Variants in ANKRD33B observed in about 807,000 individuals in gnomAD.
ANKRD33B encodes the protein ankyrin repeat domain 33B.
In ANKRD33B, 6 loss-of-function variants were observed where a neutral mutation model predicts 21.5. That is an observed-to-expected ratio of 0.28 (90% CI 0.15 to 0.55). ANKRD33B has a LOEUF of 0.55. Among genes scored for constraint, ANKRD33B ranks in the 20% least tolerant of loss-of-function variants. The pLI, the probability that ANKRD33B is intolerant of heterozygous loss-of-function variation, is 0.94. For missense variants in ANKRD33B, 698 were observed against 747.2 expected, an observed-to-expected ratio of 0.93 and a Z score of 0.77; for synonymous variants, 347 against 342.4, an observed-to-expected ratio of 1.01 and a Z score of -0.15.
intron 1 of ANKRD33B, among the ~76,000 whole-genome samples, chr5:10,604,340 C>T (rs1364561642): frequency 3.3e-5 from 5 of 150,406 alleles, no homozygotes; most frequent in Non-Finnish European, 7.4e-5. Context: ...CACAGATATG[C>T]GCCACCGCAC....
chr5:10,632,551 G>A (rs1372964573), intron 2 of ANKRD33B, among the ~76,000 whole-genome samples: 1 of 152,094 alleles, frequency 6.6e-6, no homozygotes, highest in Non-Finnish European at 1.5e-5. Context: ...TCATTTAGGA[G>A]CTCTCTGAAT....
chr5:10,646,545 C>G (rs1737192930), intron 3 of ANKRD33B, among the ~76,000 whole-genome samples: 1 of 152,162 alleles, frequency 6.6e-6, no homozygotes, highest in Non-Finnish European at 1.5e-5. Context: ...GAGTGCAAAA[C>G]TTTGGACAGA....
chr5:10,629,206 A>C (rs533276319), intron 2 of ANKRD33B, among the ~76,000 whole-genome samples: 1 of 152,168 alleles, frequency 6.6e-6, no homozygotes, highest in Non-Finnish European at 1.5e-5. Flanking sequence ...GGGACAAAGG[A>C]GGCTAGTCAG....
chr5:10,564,382 G>C lies in ANKRD33B; in HGVS notation c.-86G>C. 1 of 917,160 alleles carries C rather than the reference G, an allele frequency of 1.1e-6. No individual in the cohort carries two copies. Among genetic ancestry groups the C allele is most frequent in the African/African-American group, 1.8e-5 (1 of 55,968 alleles). The allele number at this position is 917,160 out of a possible 1,614,324, so 56.8% of individuals were successfully genotyped here. A position where few individuals can be genotyped will look rare whatever the true frequency, so the allele number is the denominator to read the frequency against. On this transcript the variant is annotated 5_prime_UTR_variant, in exon 1 of 4. Coordinates refer to ENST00000296657, the MANE Select transcript of ANKRD33B (RefSeq NM_001164440.2). The stretch of plus-strand genomic sequence containing the variant: ...CCACGGCTTCTCTGGGGACGCAGAA[G>C]CGAGAAGCGGGGACCTCGGCGCGCG...
At chr5:10,585,531 GA>G (rs1223092841) in intron 1 of ANKRD33B, among the ~76,000 whole-genome samples, 1 of 152,036 alleles carries the variant, frequency 6.6e-6, no homozygotes, top group African/African-American at 2.4e-5. Flanking sequence ...TTGTTCTAGG[GA>G]AAAGAAACGC....
intron 1 of ANKRD33B, among the ~76,000 whole-genome samples, chr5:10,603,274 T>G (rs1735971241): frequency 6.6e-6 from 1 of 152,064 alleles, no homozygotes; most frequent in South Asian, 2.1e-4. Flanking sequence ...AAAAATTTTT[T>G]TTTTTTGAGA....
chr5:10,610,221 T>A (rs1736134764), intron 1 of ANKRD33B, among the ~76,000 whole-genome samples: 2 of 152,230 alleles, frequency 1.3e-5, no homozygotes, highest in South Asian at 4.1e-4. Context: ...GGAGAGGACT[T>A]TGGCTCATGT....
rs746283372 is a variant in ANKRD33B at position 10,574,916 on chromosome 5, CAAAAAAA to C, written c.366+10091_366+10097del. Among the ~76,000 whole-genome samples the C allele has an allele frequency of 6.3e-5, 2 of 31,804 alleles. 1 individual carries two copies. The highest frequency in any genetic ancestry group is 1.8e-4 in the Non-Finnish European group (2 of 11,026). The allele number at this position is 31,804 out of a possible 152,430, so 20.9% of individuals were successfully genotyped here. A position where few individuals can be genotyped will look rare whatever the true frequency, so the allele number is the denominator to read the frequency against. On this transcript the variant is annotated intron_variant, in intron 1 of 3. Transcript: ENST00000296657. ...GCAACATAGCAAGACTTTGTCTCTACAAAAAAAAAAAAAATTAAAACTTAGTCGGGTG... is the reference window on the plus strand; with the variant it reads ...GCAACATAGCAAGACTTTGTCTCTACAAAAAAATTAAAACTTAGTCGGGTG...
At chr5:10,617,779 C>G (rs559223478) in intron 1 of ANKRD33B, among the ~76,000 whole-genome samples, 32 of 152,348 alleles carry the variant, frequency 2.1e-4, no homozygotes, top group Admixed American at 2.0e-3. Context: ...CCCTGCCGGC[C>G]AATGGGCTGC....
intron 2 of ANKRD33B, among the ~76,000 whole-genome samples, chr5:10,625,954 G>A (rs925195346): frequency 1.3e-5 from 2 of 152,202 alleles, no homozygotes; most frequent in Non-Finnish European, 2.9e-5. Flanking sequence ...TAGAGTTAAG[G>A]GAACCAACAT....
chr5:10,643,613 C>T (rs968604901), intron 3 of ANKRD33B, among the ~76,000 whole-genome samples: 3 of 151,474 alleles, frequency 2.0e-5, no homozygotes, highest in Middle Eastern at 3.4e-3. Context: ...GACAGGAGTT[C>T]GAGACCAGCC....
At chr5:10,625,406 C>T (rs1223196835) in intron 2 of ANKRD33B, among the ~76,000 whole-genome samples, 1 of 152,220 alleles carries the variant, frequency 6.6e-6, no homozygotes, top group African/African-American at 2.4e-5. Context: ...CAAACACACA[C>T]GTATGTATGT....
chr5:10,645,555 C>T (rs1413657331), intron 3 of ANKRD33B, among the ~76,000 whole-genome samples: 2 of 152,198 alleles, frequency 1.3e-5, no homozygotes, highest in Non-Finnish European at 2.9e-5. Flanking sequence ...TTTCTCAGCT[C>T]CCTGGAAGTC....
At chr5:10,580,964 C>T (rs1232292090) in intron 1 of ANKRD33B, among the ~76,000 whole-genome samples, 1 of 152,130 alleles carries the variant, frequency 6.6e-6, no homozygotes, top group East Asian at 1.9e-4. Flanking sequence ...TCTAAGTCTT[C>T]TGCTTCCCAA....
chr5:10,647,482 T>C (rs1454673687), intron 3 of ANKRD33B, among the ~76,000 whole-genome samples: 1 of 152,240 alleles, frequency 6.6e-6, no homozygotes, highest in Non-Finnish European at 1.5e-5. Flanking sequence ...CGTATTAATT[T>C]CTATACTACA....
chr5:10,593,704 G>A (rs570595529), intron 1 of ANKRD33B, among the ~76,000 whole-genome samples: 35 of 151,798 alleles, frequency 2.3e-4, no homozygotes, highest in African/African-American at 8.0e-4. Context: ...ATCAGACCCC[G>A]ACTCAATGAC....
chr5:10,617,957 A>G (rs1371206921), intron 1 of ANKRD33B, among the ~76,000 whole-genome samples: 1 of 152,086 alleles, frequency 6.6e-6, no homozygotes, highest in Non-Finnish European at 1.5e-5. Flanking sequence ...TCTATTCCCT[A>G]GAGAGCTGCA....
At chr5:10,646,628 T>C (rs1383566504) in intron 3 of ANKRD33B, among the ~76,000 whole-genome samples, 4 of 152,354 alleles carry the variant, frequency 2.6e-5, no homozygotes, top group East Asian at 1.9e-4. Flanking sequence ...TTTAATTTTA[T>C]AGTTTGTTCC....
intron 1 of ANKRD33B, among the ~76,000 whole-genome samples, chr5:10,582,346 GA>G (rs1322694801): frequency 6.6e-6 from 1 of 152,118 alleles, no homozygotes; most frequent in Non-Finnish European, 1.5e-5. Flanking sequence ...TACAATCCTA[GA>G]GTCAGCCCAG....
Sources: gnomAD v4.1 joint callset for allele counts (sites outside exome capture counted in the v4.1 genomes callset) on GRCh38, gnomAD v4.1.1 for gene constraint, MANE v1.5 for transcripts, NCBI Gene and HGNC (gene_info 2026-07-23, HGNC 2026-07-21) for gene names.